HGD: variants seen among roughly 807,000 people sequenced by gnomAD.
The protein encoded by HGD is homogentisate 1,2-dioxygenase.
Under a neutral mutation model 60.8 loss-of-function variants are expected in HGD, and 61 were observed. That is an observed-to-expected ratio of 1.00 (90% confidence interval 0.82 to 1.24). The LOEUF (loss-of-function observed/expected upper bound fraction) is 1.24, where lower values mean the gene tolerates loss of function less well. Among genes scored for constraint, HGD ranks in the 50% most tolerant of loss-of-function variants. The pLI, the probability that HGD is intolerant of heterozygous loss-of-function variation, is 0.00. For missense variants in HGD, 542 were observed against 547.1 expected, an observed-to-expected ratio of 0.99 and a Z score of 0.09; for synonymous variants, 212 against 187.7, an observed-to-expected ratio of 1.13 and a Z score of -1.06.
chr3:120,656,557 T>A (rs562689745), intron 4 of HGD, among the ~76,000 whole-genome samples: 12 of 114,916 alleles, frequency 1.0e-4, no homozygotes, highest in South Asian at 9.2e-4. Context: ...TTTGAGATCT[T>A]TTTTTTGGGG....
At chr3:120,680,041 A>T (rs1708204951) in intron 1 of HGD, among the ~76,000 whole-genome samples, 1 of 152,250 alleles carries the variant, frequency 6.6e-6, no homozygotes, top group Admixed American at 6.5e-5. Flanking sequence ...AGAGCCAGTG[A>T]ATCAAGGATT....
intron 12 of HGD, among the ~76,000 whole-genome samples, chr3:120,635,592 CA>C (rs1239075435): frequency 6.6e-6 from 1 of 150,620 alleles, no homozygotes; most frequent in Non-Finnish European, 1.5e-5. Flanking sequence ...AAAGTCACAT[CA>C]AAGCAGCAAA....
chr3:120,670,914 T>C (rs1169544355), intron 3 of HGD, among the ~76,000 whole-genome samples: 2 of 152,246 alleles, frequency 1.3e-5, no homozygotes, highest in African/African-American at 4.8e-5. Flanking sequence ...TGCTAGTCCT[T>C]GCTCTGGAAG....
chr3:120,679,281 G>C (rs1404872550), intron 1 of HGD, among the ~76,000 whole-genome samples: 1 of 152,142 alleles, frequency 6.6e-6, no homozygotes, highest in African/African-American at 2.4e-5. Flanking sequence ...TGAACAGATG[G>C]TGCACCTCAC....
At chr3:120,633,447 T>C (rs1037260372) in intron 12 of HGD, 119 bp from the exon 13 acceptor site, 2 of 1,581,788 alleles carry the variant, frequency 1.3e-6, no homozygotes, top group Non-Finnish European at 1.7e-6. Flanking sequence ...GTAAATTGTA[T>C]AGGATTAATA....
intron 5 of HGD, among the ~76,000 whole-genome samples, chr3:120,651,330 C>A (rs1941335462): frequency 6.6e-6 from 1 of 152,108 alleles, no homozygotes; most frequent in Admixed American, 6.5e-5. Context: ...TGGAACAGGG[C>A]AGAGGACTGT....
intron 5 of HGD, among the ~76,000 whole-genome samples, chr3:120,652,087 A>T (rs969233747): frequency 5.3e-5 from 8 of 152,192 alleles, no homozygotes; most frequent in Non-Finnish European, 1.0e-4. Flanking sequence ...TTATGCTCAT[A>T]CCAGAATTAT....
At position 120,670,148 on chromosome 3, in the gene HGD, T is replaced by C. The variant is rs2107548193; in HGVS notation, c.282+279A>G. 5 of 456,096 alleles carry C rather than the reference T, an allele frequency of 1.1e-5. No individual in the cohort carries two copies. The East Asian group carries it at 1.7e-4, about 15-fold the overall frequency. The allele number at this position is 456,096 out of a possible 1,614,324, so 28.3% of individuals were successfully genotyped here. A position where few individuals can be genotyped will look rare whatever the true frequency, so the allele number is the denominator to read the frequency against. On this transcript the variant is annotated intron_variant, in intron 4 of 13. Coordinates refer to ENST00000283871, the MANE Select transcript of HGD (RefSeq NM_000187.4). Reference sequence around the variant, plus strand: ...GTGTTTGCTTCCCTTTCCGCCATGATTGTAAGTTTCTTGAGGCCTCCTCAG... The same window carrying C: ...GTGTTTGCTTCCCTTTCCGCCATGACTGTAAGTTTCTTGAGGCCTCCTCAG...
chr3:120,657,399 G>C (rs978019425), intron 4 of HGD, among the ~76,000 whole-genome samples: 4 of 152,096 alleles, frequency 2.6e-5, no homozygotes, highest in Non-Finnish European at 5.9e-5. Flanking sequence ...ACTGGGAGTT[G>C]AACTAGATGA....
At chr3:120,663,892 A>G (rs1707836375) in intron 4 of HGD, among the ~76,000 whole-genome samples, 1 of 152,244 alleles carries the variant, frequency 6.6e-6, no homozygotes, top group Non-Finnish European at 1.5e-5. Flanking sequence ...AAATAATCTA[A>G]GACTGCATTA....
At chr3:120,673,036 A>T (rs145652523) in intron 3 of HGD, among the ~76,000 whole-genome samples, 705 of 152,262 alleles carry the variant, frequency 4.6e-3, no homozygotes, top group Non-Finnish European at 7.3e-3. Flanking sequence ...GGTTCAGATG[A>T]GTAGTAACTA....
chr3:120,671,291 AT>A (rs1380202590), intron 3 of HGD, among the ~76,000 whole-genome samples: 1 of 152,198 alleles, frequency 6.6e-6, no homozygotes, highest in Non-Finnish European at 1.5e-5. Context: ...ATTATTAAAA[AT>A]TTTAGTGTTT....
chr3:120,653,059 C>CTG (rs899763864), intron 4 of HGD, among the ~76,000 whole-genome samples: 11 of 152,186 alleles, frequency 7.2e-5, no homozygotes, highest in African/African-American at 2.7e-4. Flanking sequence ...GCCAGCCTCC[C>CTG]TGTGTGGGCT....
In HGD at chr3:120,646,357, G is replaced by A. The variant is rs756255206; in HGVS notation, c.559C>T (p.Arg187Trp). Reference sequence around the variant, plus strand: ...TCCTCAAAGACATCTATGCTGAACCGCATTCCTCTCTGGAATGGAAAGCAG... The same window carrying A: ...TCCTCAAAGACATCTATGCTGAACCACATTCCTCTCTGGAATGGAAAGCAG... ...NEICVIQRGM[R>W]FSIDVFEETR... The change falls in exon 9 of 14, where the codon CGG (arginine) becomes TGG (tryptophan). Residue 187 changes from arginine to tryptophan, a missense_variant. Coordinates refer to ENST00000283871, the MANE Select transcript of HGD (RefSeq NM_000187.4). The A allele has an allele frequency of 8.7e-6, 14 of 1,607,414 alleles. No homozygotes were observed. The highest frequency in any genetic ancestry group is 6.6e-5 in the South Asian group (6 of 90,968).
chr3:120,660,102 TA>T, intron 4 of HGD, among the ~76,000 whole-genome samples: 1 of 152,248 alleles, frequency 6.6e-6, no homozygotes, highest in South Asian at 2.1e-4. Context: ...CCATCTGAGA[TA>T]CCTTGCTCCC....
At chr3:120,645,613 CA>C (rs1476332091) in intron 9 of HGD, among the ~76,000 whole-genome samples, 1 of 152,168 alleles carries the variant, frequency 6.6e-6, no homozygotes, top group East Asian at 1.9e-4. Flanking sequence ...TCTCTCATAG[CA>C]CTGAGTGATG....
At position 120,664,581 on chromosome 3, in the gene HGD, C is replaced by T. The variant is rs191947456; in HGVS notation, c.282+5846G>A. On this transcript the variant is annotated intron_variant, in intron 4 of 13. Transcript: ENST00000283871. ...TGCCTGGGACTACCGGTGCTTGCCA[C>T]CATGCTCAGCTAATTTTTTTTCACA... Among the ~76,000 whole-genome samples the T allele has an allele frequency of 2.7e-3, 413 of 152,110 alleles. 2 individuals carry two copies. The highest frequency in any genetic ancestry group is 9.5e-3 in the African/African-American group (396 of 41,508).
chr3:120,675,024 C>CATCCGA (rs759477442), intron 2 of HGD, 35 bp from the exon 3 acceptor site: 1 of 1,465,396 alleles, frequency 6.8e-7, no homozygotes, highest in Admixed American at 1.7e-5. Context: ...ATATTACTCC[C>CATCCGA]ATCCGAAAAG....
intron 11 of HGD, among the ~76,000 whole-genome samples, chr3:120,640,813 G>T (rs1576291026): frequency 6.6e-6 from 1 of 152,060 alleles, no homozygotes; most frequent in Non-Finnish European, 1.5e-5. Flanking sequence ...AGGTAGGTTT[G>T]TCCCCCCAGA....
Sources: gnomAD v4.1 joint callset for allele counts (sites outside exome capture counted in the v4.1 genomes callset) on GRCh38, gnomAD v4.1.1 for gene constraint, MANE v1.5 for transcripts, NCBI Gene and HGNC (gene_info 2026-07-23, HGNC 2026-07-21) for gene names.